ADGRL2: variants seen among roughly 807,000 people sequenced by gnomAD.
ADGRL2 encodes adhesion G protein-coupled receptor L2, also known as calcium-independent alpha-latrotoxin receptor 2.
Under a neutral mutation model 157.4 loss-of-function variants are expected in ADGRL2, and 44 were observed. The ratio of observed to expected loss-of-function variants is 0.28; its 90% confidence interval spans 0.22 to 0.36. The LOEUF is 0.36. ADGRL2 is among the 10% of genes least tolerant of loss of function. ADGRL2 has a pLI of 1.00. For synonymous variants in ADGRL2, 585 were observed against 624.7 expected, an observed-to-expected ratio of 0.94 and a Z score of 0.95; for missense variants, 1,510 against 1,768.9, an observed-to-expected ratio of 0.85 and a Z score of 2.63.
Position 81,481,160 on chromosome 1 carries a change from A to G in ADGRL2, c.-248+36071A>G, listed in dbSNP as rs149528846. Among the ~76,000 whole-genome samples, 1,160 of 152,326 alleles carry G rather than the reference A, an allele frequency of 7.6e-3. 15 individuals are homozygous for G. Among genetic ancestry groups the G allele is most frequent in the African/African-American group, 0.026 (1,093 of 41,566 alleles). ...CCTTTTAAACATAATAAAAATAACC[A>G]TAGATACTAGAAATTGTTTGTGAAA... On this transcript the variant is annotated intron_variant, in intron 2 of 24. Coordinates refer to the ADGRL2 transcript ENST00000370721.
At chr1:81,746,410 C>T (rs1488721061) in intron 1 of ADGRL2, among the ~76,000 whole-genome samples, 2 of 152,108 alleles carry the variant, frequency 1.3e-5, no homozygotes, top group Admixed American at 1.3e-4. Context: ...CCACCTCAGC[C>T]TCCTGAGTAG....
At chr1:81,432,498 TA>T (rs1210109555) in intron 1 of ADGRL2, among the ~76,000 whole-genome samples, 2 of 152,236 alleles carry the variant, frequency 1.3e-5, no homozygotes, top group East Asian at 1.9e-4. Flanking sequence ...CTTGAACTTT[TA>T]AAAACTCAAG....
chr1:81,321,907 G>A (rs1479082346), intron 1 of ADGRL2, among the ~76,000 whole-genome samples: 1 of 151,298 alleles, frequency 6.6e-6, no homozygotes, highest in East Asian at 1.9e-4. Flanking sequence ...AAAAAACACA[G>A]TAGCTGCAAA....
intron 3 of ADGRL2, among the ~76,000 whole-genome samples, chr1:81,666,235 A>C (rs1417037849): frequency 6.6e-6 from 1 of 152,226 alleles, no homozygotes; most frequent in Non-Finnish European, 1.5e-5. Flanking sequence ...TGACTGAAAG[A>C]GACCAAATTG....
intron 1 of ADGRL2, among the ~76,000 whole-genome samples, chr1:81,313,577 T>C (rs1374590295): frequency 6.6e-6 from 1 of 152,166 alleles, no homozygotes; most frequent in Admixed American, 6.5e-5. Context: ...CAGGCCACTA[T>C]GAGTTTCCAG....
Position 81,822,028 on chromosome 1 carries a change from CTT to C in ADGRL2, c.-100-14843_-100-14842del, listed in dbSNP as rs10653806. 1.3e-3 allele frequency among the ~76,000 whole-genome samples: 157 copies of C among 125,168 alleles called. 3 individuals carry two copies. Among genetic ancestry groups the C allele is most frequent in the Non-Finnish European group, 1.6e-3 (102 of 62,308 alleles). The allele number at this position is 125,168 out of a possible 152,430, so 82.1% of individuals were successfully genotyped here. A position where few individuals can be genotyped will look rare whatever the true frequency, so the allele number is the denominator to read the frequency against. ...TGTGCATTATAGGTAATATCAGAAA[CTT>C]TTTTTTTTTTTTTGCAAAGCATAGC... On this transcript the variant is annotated intron_variant, in intron 1 of 23. Coordinates refer to ENST00000686636, the MANE Select transcript of ADGRL2 (RefSeq NM_001366006.2).
At position 81,992,501 on chromosome 1, in the gene ADGRL2, G is replaced by C. The variant is rs773175768; in HGVS notation, c.*1356G>C. The C allele has an allele frequency of 2.0e-5, 3 of 152,404 alleles. No homozygotes were observed. The highest frequency in any genetic ancestry group is 4.4e-5 in the Non-Finnish European group (3 of 68,012). 9.4% of individuals were successfully genotyped at this position (152,404 alleles called of 1,614,324 possible). A position where few individuals can be genotyped will look rare whatever the true frequency, so the allele number is the denominator to read the frequency against. On this transcript the variant is annotated 3_prime_UTR_variant, in exon 24 of 24. Coordinates refer to ENST00000686636, the MANE Select transcript of ADGRL2 (RefSeq NM_001366006.2). Reference sequence around the variant, plus strand: ...CCATTCCCACCTTGGTTTAAGTAACGTCATACCAAAGTCCATGGATATATG... The same window carrying C: ...CCATTCCCACCTTGGTTTAAGTAACCTCATACCAAAGTCCATGGATATATG...
At chr1:81,706,329 C>G (rs1457963855) in intron 1 of ADGRL2, among the ~76,000 whole-genome samples, 1 of 152,012 alleles carries the variant, frequency 6.6e-6, no homozygotes, top group Non-Finnish European at 1.5e-5. Flanking sequence ...TGCAGAGAGA[C>G]AGGAAAGCTG....
chr1:81,782,505 G>A (rs2086858054), intron 2 of ADGRL2, among the ~76,000 whole-genome samples: 1 of 152,112 alleles, frequency 6.6e-6, no homozygotes, highest in African/African-American at 2.4e-5. Context: ...AGTAATAGAT[G>A]TTAGTTACAC....
intron 1 of ADGRL2, among the ~76,000 whole-genome samples, chr1:81,378,287 G>A (rs141592544): frequency 2.0e-4 from 31 of 152,218 alleles, no homozygotes; most frequent in African/African-American, 7.0e-4. Context: ...GTGGTAGCTC[G>A]TGCCTGTAAT....
At chr1:81,689,872 C>T (rs1297436448) in intron 3 of ADGRL2, among the ~76,000 whole-genome samples, 1 of 152,178 alleles carries the variant, frequency 6.6e-6, no homozygotes, top group Non-Finnish European at 1.5e-5. Context: ...CTCTTGAGCA[C>T]AGTCCTAGTT....
intron 1 of ADGRL2, among the ~76,000 whole-genome samples, chr1:81,754,115 A>G (rs559776823): frequency 6.6e-6 from 1 of 152,038 alleles, no homozygotes; most frequent in Non-Finnish European, 1.5e-5. Flanking sequence ...GATAGAAACT[A>G]AAAAATGCCA....
At chr1:81,390,506 G>C (rs34811279) in intron 1 of ADGRL2, among the ~76,000 whole-genome samples, 22,831 of 142,244 alleles carry the variant, frequency 0.16, no homozygotes, top group East Asian at 0.2. Context: ...AGATACAAAT[G>C]ATTCATGCTT....
intron 3 of ADGRL2, among the ~76,000 whole-genome samples, chr1:81,633,792 T>G (rs939310193): frequency 6.6e-6 from 1 of 152,092 alleles, no homozygotes; most frequent in Non-Finnish European, 1.5e-5. Flanking sequence ...GTTTCATCAA[T>G]TAACCACTTT....
rs374264609 is a variant in ADGRL2 at position 81,685,508 on chromosome 1, CT to C, written c.-142-76300del. Among the ~76,000 whole-genome samples, 11 of 152,156 alleles carry C rather than the reference CT, an allele frequency of 7.2e-5. No individual in the cohort carries two copies. The East Asian group carries it at 2.1e-3, about 29-fold the overall frequency. On this transcript the variant is annotated intron_variant, in intron 3 of 24. Coordinates refer to the ADGRL2 transcript ENST00000370721. ...TTGTATCTGGAGACTTTGCTGAATT[CT>C]TTAATCAGTTCTAGGAGCTTTCTGG...
At chr1:81,768,959 C>T (rs1467462319) in intron 2 of ADGRL2, among the ~76,000 whole-genome samples, 1 of 152,034 alleles carries the variant, frequency 6.6e-6, no homozygotes, top group Non-Finnish European at 1.5e-5. Flanking sequence ...CTGGTGTGCA[C>T]CTGTAATCCC....
chr1:81,942,132 C>A, intron 5 of ADGRL2, 87 bp downstream of exon 5: 1 of 572,826 alleles, frequency 1.7e-6, no homozygotes, highest in Non-Finnish European at 3.2e-6. Flanking sequence ...CACAACACTC[C>A]TGTATTAAAA....
intron 2 of ADGRL2, among the ~76,000 whole-genome samples, chr1:81,492,806 A>G (rs181382518): frequency 1.6e-4 from 24 of 152,306 alleles, no homozygotes; most frequent in Admixed American, 7.2e-4. Context: ...ACTGACGTCA[A>G]TCAGAAATTT....
chr1:81,962,095 C>A (rs1246000951), intron 11 of ADGRL2, among the ~76,000 whole-genome samples: 1 of 152,036 alleles, frequency 6.6e-6, no homozygotes, highest in Non-Finnish European at 1.5e-5. Context: ...TAGAGCATAC[C>A]CACCTTCAGC....
Sources: allele counts gnomAD v4.1 joint callset (sites outside exome capture counted in the v4.1 genomes callset), GRCh38; gene constraint gnomAD v4.1.1; transcripts MANE v1.5; gene names NCBI Gene and HGNC (gene_info 2026-07-23, HGNC 2026-07-21).